Variants in FAM120B observed in about 807,000 individuals in gnomAD.
FAM120B encodes constitutive coactivator of peroxisome proliferator-activated receptor gamma.
Under a neutral mutation model 96.3 loss-of-function variants are expected in FAM120B, and 83 were observed. The ratio of observed to expected loss-of-function variants is 0.86; its 90% CI spans 0.72 to 1.03. FAM120B has a LOEUF of 1.03. Ranked by LOEUF, FAM120B falls within the 50% of genes least tolerant of loss-of-function variation. The pLI is 0.00. For missense variants in FAM120B, 1,027 were observed against 1,121.2 expected, an observed-to-expected ratio of 0.92 and a Z score of 1.20; for synonymous variants, 407 against 402.7, an observed-to-expected ratio of 1.01 and a Z score of -0.13.
intron 4 of FAM120B, among the ~76,000 whole-genome samples, chr6:170,344,239 C>A (rs1485806941): frequency 8.8e-4 from 84 of 95,814 alleles, no homozygotes; most frequent in African/African-American, 3.6e-3. Context: ...TCCTGAGCAG[C>A]CCCACCTTGG....
chr6:170,293,460 G>A (rs1433313441), upstream of FAM120B, among the ~76,000 whole-genome samples: 1 of 152,134 alleles, frequency 6.6e-6, no homozygotes, highest in Non-Finnish European at 1.5e-5. Flanking sequence ...ACCCCCCTCA[G>A]TATCAAGTAT....
At chr6:170,398,102 G>A (rs977294847) in intron 9 of FAM120B, among the ~76,000 whole-genome samples, 1 of 152,248 alleles carries the variant, frequency 6.6e-6, no homozygotes, top group South Asian at 2.1e-4. Context: ...AGACAGGTGT[G>A]CCTGCCTGTC....
chr6:170,345,902 T>G (rs1490938166), intron 4 of FAM120B, among the ~76,000 whole-genome samples: 1 of 152,196 alleles, frequency 6.6e-6, no homozygotes, highest in African/African-American at 2.4e-5. Flanking sequence ...GCTAGGTGAT[T>G]CTCTCATGAG....
intron 4 of FAM120B, among the ~76,000 whole-genome samples, chr6:170,336,942 A>G (rs942513564): frequency 2.9e-4 from 44 of 152,166 alleles, no homozygotes; most frequent in African/African-American, 9.4e-4. Flanking sequence ...GGCTGAGACA[A>G]TGGGGTTTTC....
At chr6:170,293,554 C>G (rs1433366063), upstream of FAM120B, among the ~76,000 whole-genome samples, 1 of 152,088 alleles carries the variant, frequency 6.6e-6, no homozygotes, top group African/African-American at 2.4e-5. Context: ...CAGAATCCTG[C>G]CCAAAGCGTT....
intron 6 of FAM120B, among the ~76,000 whole-genome samples, chr6:170,373,092 G>C (rs1042953085): frequency 2.6e-5 from 4 of 152,110 alleles, no homozygotes; most frequent in African/African-American, 4.8e-5. Context: ...AAAAACAGTT[G>C]AGCTGTTTAC....
intron 4 of FAM120B, among the ~76,000 whole-genome samples, chr6:170,345,585 T>A (rs117975805): frequency 1.3e-5 from 2 of 152,386 alleles, no homozygotes; most frequent in East Asian, 3.9e-4. Flanking sequence ...GAATTGTATG[T>A]ATCAGTGCAT....
intron 1 of FAM120B, among the ~76,000 whole-genome samples, chr6:170,297,541 C>T (rs1249908264): frequency 6.6e-6 from 1 of 152,222 alleles, no homozygotes; most frequent in Non-Finnish European, 1.5e-5. Flanking sequence ...CTTAAATCGG[C>T]TCCCAAAGCC....
intron 6 of FAM120B, among the ~76,000 whole-genome samples, chr6:170,383,951 A>C (rs1211743595): frequency 6.6e-6 from 1 of 152,204 alleles, no homozygotes; most frequent in Admixed American, 6.5e-5. Flanking sequence ...AAGAGGAATG[A>C]GTGGCTGGCG....
At chr6:170,336,031 T>C (rs976648553) in intron 4 of FAM120B, among the ~76,000 whole-genome samples, 1 of 152,372 alleles carries the variant, frequency 6.6e-6, no homozygotes, top group Admixed American at 6.5e-5. Context: ...TCTTTTGCAG[T>C]GCAGAAGCTC....
chr6:170,400,338 A>T (rs1050582991), intron 9 of FAM120B, among the ~76,000 whole-genome samples: 7 of 148,642 alleles, frequency 4.7e-5, no homozygotes, highest in Non-Finnish European at 1.1e-4. Context: ...TATCATCAAG[A>T]ACATGCCCCA....
intron 5 of FAM120B, among the ~76,000 whole-genome samples, chr6:170,354,384 CCAAAAGCAATTGCAA>C (rs1787765625): frequency 6.6e-6 from 1 of 152,082 alleles, no homozygotes; most frequent in Non-Finnish European, 1.5e-5. Flanking sequence ...GATGAAAACA[CCAAAAGCAATTGCAA>C]CAAAAGCAAA....
intron 1 of FAM120B, among the ~76,000 whole-genome samples, chr6:170,317,074 T>G (rs978832436): frequency 1.3e-5 from 2 of 152,242 alleles, no homozygotes; most frequent in Admixed American, 6.5e-5. Flanking sequence ...CTTAACCTCT[T>G]TTTGAATTTT....
rs144379180 is a variant in FAM120B at position 170,317,955 on chromosome 6, C to G, written c.565C>G (p.Pro189Ala). The change falls in exon 2 of 11, where the codon CCC becomes GCC. Residue 189 changes from proline (P) to alanine (A), a missense_variant. This residue lies in a region of FAM120B where 880 missense variants were observed against 980.9 expected (regional missense o/e 0.90). Transcript: ENST00000476287. ...DTDYLIYDTC[P>A]YFSISELCLE... is the part of the protein sequence containing the mutation. ...TGATTACCTAATCTATGACACTTGT[C>G]CCTACTTTTCAATTAGCGAGCTCTG... 1.9e-6 allele frequency: 3 copies of G among 1,613,894 alleles called. No homozygotes were observed. The African/African-American group carries it at 4.0e-5, about 22-fold the overall frequency.
chr6:170,355,087 G>T lies in FAM120B; in HGVS notation c.2191-3139G>T, dbSNP rs554776857. Among the ~76,000 whole-genome samples, 6 of 152,280 alleles carry T rather than the reference G, an allele frequency of 3.9e-5. No individual in the cohort carries two copies. The East Asian group carries it at 7.7e-4, about 20-fold the overall frequency. ...AAAGTCAACAAATGGTGGCGAGGTT[G>T]CAGAGAAACAGGAACACTTTTACAC... is the stretch of plus-strand genomic sequence containing the variant. On this transcript the variant is annotated intron_variant, in intron 5 of 10. Transcript: ENST00000476287.
chr6:170,318,731 A>T lies in FAM120B; in HGVS notation c.1341A>T (p.Gln447His), dbSNP rs777386470. Residue 447 changes from glutamine to histidine, a missense_variant, in exon 2 of 11, where the codon CAA (glutamine) becomes CAT (histidine). Gln to His is a conservative substitution (Grantham distance 24). Coordinates refer to ENST00000476287, the MANE Select transcript of FAM120B (RefSeq NM_032448.3). ...TGTATACAGACTCTGAACCCAGGCA[A>T]GAAGTTCCCATGTATACAGGCTCTG... ...VPMYTDSEPR[Q>H]EVPMYTGSEP... 2 of 1,594,182 alleles carry T rather than the reference A, an allele frequency of 1.3e-6. No homozygotes were observed. Among genetic ancestry groups the T allele is most frequent in the Non-Finnish European group, 1.7e-6 (2 of 1,170,354 alleles).
At chr6:170,331,966 T>C (rs57152358) in intron 4 of FAM120B, among the ~76,000 whole-genome samples, 1,739 of 152,306 alleles carry the variant, frequency 0.011, 22 homozygotes, top group African/African-American at 0.036. Flanking sequence ...ATTCTAGACA[T>C]AGGATTTGAA....
At chr6:170,301,886 C>T (rs1182984664), upstream of FAM120B, among the ~76,000 whole-genome samples, 1 of 152,224 alleles carries the variant, frequency 6.6e-6, no homozygotes, top group South Asian at 2.1e-4. Context: ...ACTTTCCCAC[C>T]TGTTCCTATC....
chr6:170,398,112 C>T (rs1156513931), intron 9 of FAM120B, among the ~76,000 whole-genome samples: 2 of 152,238 alleles, frequency 1.3e-5, no homozygotes, highest in Non-Finnish European at 2.9e-5. Flanking sequence ...GCCTGCCTGT[C>T]ACAGAGGAAA....
Sources: allele counts gnomAD v4.1 joint callset (sites outside exome capture counted in the v4.1 genomes callset), GRCh38; gene constraint gnomAD v4.1.1; regional missense constraint gnomAD v4.1.1; transcripts MANE v1.5; gene names NCBI Gene and HGNC (gene_info 2026-07-23, HGNC 2026-07-21).